Variants in SCAP observed in about 807,000 individuals in gnomAD.
SCAP encodes the protein sterol regulatory element-binding protein cleavage-activating protein.
In SCAP, 65 loss-of-function variants were observed where a neutral mutation model predicts 123.6. That is an observed-to-expected ratio of 0.53 (90% CI 0.43 to 0.65). SCAP has a LOEUF of 0.65. Among genes scored for constraint, SCAP ranks in the 30% least tolerant of loss-of-function variants. SCAP has a pLI of 0.00. For synonymous variants in SCAP, 740 were observed against 726.3 expected (o/e 1.02, Z -0.30); for missense variants, 1,398 against 1,712.5 (o/e 0.82, Z 3.24).
chr3:47,424,829 C>T (rs892441669), intron 8 of SCAP, among the ~76,000 whole-genome samples: 2 of 152,156 alleles, frequency 1.3e-5, no homozygotes, highest in African/African-American at 4.8e-5. Flanking sequence ...CAGGCCAATC[C>T]ATAATCCATT....
chr3:47,426,178 G>A lies in SCAP; in HGVS notation c.738-9C>T. The A allele has an allele frequency of 8.1e-6, 13 of 1,611,608 alleles. No homozygotes were observed. The highest frequency in any genetic ancestry group is 1.1e-5 in the Non-Finnish European group (13 of 1,179,328). On this transcript the variant is annotated splice_polypyrimidine_tract_variant and intron_variant, in intron 6 of 22. Transcript: ENST00000265565. ...GCAGGCTGCCCAGGAACCTGGTCAA[G>A]GAGCAGGGTGGGGGTAAATGGAAGT...
At chr3:47,465,962 G>A (rs1707810537) in intron 1 of SCAP, among the ~76,000 whole-genome samples, 1 of 151,572 alleles carries the variant, frequency 6.6e-6, no homozygotes, top group Admixed American at 6.6e-5. Context: ...GTGAAACCCC[G>A]TCTCTACTAA....
chr3:47,433,301 A>G (rs1706440733), intron 3 of SCAP, among the ~76,000 whole-genome samples: 1 of 152,206 alleles, frequency 6.6e-6, no homozygotes. Context: ...GTGTGACACC[A>G]GGTGACTGCC....
Position 47,413,802 on chromosome 3 carries a change from T to C in SCAP, c.*52A>G, listed in dbSNP as rs1705420556. The C allele has an allele frequency of 7.6e-6, 12 of 1,574,276 alleles. No individual in the cohort carries two copies. The highest frequency in any genetic ancestry group is 2.3e-5 in the South Asian group (2 of 87,634). On this transcript the variant is annotated 3_prime_UTR_variant, in exon 23 of 23. Transcript: ENST00000265565. ...TTCCCCCAAGTCCAGGTTCAGTGCA[T>C]TGGCCCCCACACAGCACCCCAGCCT...
chr3:47,455,094 T>TAA (rs1553648801), intron 1 of SCAP, among the ~76,000 whole-genome samples: 39 of 87,396 alleles, frequency 4.5e-4, no homozygotes, highest in Non-Finnish European at 5.9e-4. Context: ...TATATATATA[T>TAA]AATCAACTGA....
chr3:47,430,474 T>C (rs1049459909), intron 3 of SCAP, among the ~76,000 whole-genome samples: 2 of 151,424 alleles, frequency 1.3e-5, no homozygotes, highest in Admixed American at 6.6e-5. Context: ...AAAGAACAGG[T>C]AGGAGAGGAG....
At chr3:47,448,251 A>G (rs1226555527) in intron 1 of SCAP, among the ~76,000 whole-genome samples, 4 of 152,022 alleles carry the variant, frequency 2.6e-5, no homozygotes, top group Admixed American at 2.0e-4. Context: ...TATGTTTTCA[A>G]TTTTGATTTT....
chr3:47,419,493 G>A lies in SCAP; in HGVS notation c.1775C>T (p.Thr592Met), dbSNP rs1705794629. 3.7e-6 allele frequency: 6 copies of A among 1,614,014 alleles called. No homozygotes were observed. Among genetic ancestry groups the A allele is most frequent in the Non-Finnish European group, 4.2e-6 (5 of 1,180,002 alleles). ...ACGCTCAGGTGACTCGCCTGGCGAC[G>A]TCTGGTTCTCAGGTAGCTTAGGGGC... ...PDAPKLPENQ[T>M]SPGESPERGG... The change falls in exon 13 of 23, where the codon ACG (threonine) becomes ATG (methionine). Residue 592 changes from threonine to methionine, a missense_variant. Thr to Met is a moderately conservative substitution (Grantham distance 81). Transcript: ENST00000265565. The surrounding 1 kb of genome is among the most constrained non-coding windows in gnomAD (Gnocchi z 5.0).
chr3:47,415,793 A>G (rs1260736298), intron 18 of SCAP, among the ~76,000 whole-genome samples: 2 of 152,340 alleles, frequency 1.3e-5, no homozygotes, highest in East Asian at 3.9e-4. Flanking sequence ...ATGTCTGCCT[A>G]CAACCTCTGC....
intron 2 of SCAP, among the ~76,000 whole-genome samples, chr3:47,440,030 GCTCTGTACTTTC>G (rs1387359510): frequency 2.6e-5 from 4 of 152,178 alleles, no homozygotes; most frequent in South Asian, 4.2e-4. Context: ...CCCCAGTACT[GCTCTGTACTTTC>G]CCTGGGGTGA....
intron 7 of SCAP, 124 bp downstream of exon 7, chr3:47,425,873 C>T (rs1576265450): frequency 8.7e-7 from 1 of 1,145,190 alleles, no homozygotes; most frequent in Admixed American, 2.3e-5. Context: ...AGCCCTAGCT[C>T]TGATGACCAC....
In SCAP at chr3:47,418,297, C is replaced by T. The variant is rs1705726294; in HGVS notation, c.2331+24G>A. 4 of 1,553,590 alleles carry T rather than the reference C, an allele frequency of 2.6e-6. No individual in the cohort carries two copies. The South Asian group carries it at 3.6e-5, about 14-fold the overall frequency. The stretch of plus-strand genomic sequence containing the variant: ...TGGGCCAGGCTCCGGCCCTCCCCTA[C>T]CCGGCCACTGTGCCCCTGCTCACCA... On this transcript the variant is annotated intron_variant, in intron 15 of 22. Coordinates refer to ENST00000265565, the MANE Select transcript of SCAP (RefSeq NM_012235.4).
chr3:47,427,640 C>G lies in SCAP; in HGVS notation c.438G>C (p.Leu146Phe). 6.2e-7 allele frequency: 1 copy of G among 1,614,098 alleles called. No individual in the cohort carries two copies. The change falls in exon 5 of 23, where the codon TTG (leucine) becomes TTC (phenylalanine). Residue 146 changes from leucine to phenylalanine, a missense_variant. Physicochemically the swap from Leu to Phe is conservative, Grantham distance 22. Coordinates refer to ENST00000265565, the MANE Select transcript of SCAP (RefSeq NM_012235.4). ...DSSGIRSLEELCLQVTDLLPG... is the reference protein window; with the variant it reads ...DSSGIRSLEEFCLQVTDLLPG... ...GCAGCAGGTCGGTCACTTGCAGACA[C>G]AACTCCTCCAAGCTCCTGATCCCAG...
Position 47,442,901 on chromosome 3 carries a change from G to C in SCAP, c.93C>G (p.Leu31=), listed in dbSNP as rs759636321. ...AGGCTAAGATGCAGAACCCTGTGAAGAGGATGATGGGGATGGGATAGGATG... is the reference window on the plus strand; with the variant it reads ...AGGCTAAGATGCAGAACCCTGTGAACAGGATGATGGGGATGGGATAGGATG... ...LCASYPIPII[L]FTGFCILACC... is the part of the protein sequence containing the mutation. The change falls in exon 2 of 23, where the codon CTC becomes CTG. Residue 31 remains leucine (L), a synonymous_variant. Coordinates refer to ENST00000265565, the MANE Select transcript of SCAP (RefSeq NM_012235.4). 2 of 1,614,100 alleles carry C rather than the reference G, an allele frequency of 1.2e-6. No individual in the cohort carries two copies. Among genetic ancestry groups the C allele is most frequent in the African/African-American group, 2.7e-5 (2 of 74,942 alleles).
intron 1 of SCAP, among the ~76,000 whole-genome samples, chr3:47,468,726 A>C (rs929557898): frequency 2.0e-5 from 3 of 152,164 alleles, no homozygotes; most frequent in African/African-American, 7.2e-5. Flanking sequence ...TAGTTTAATT[A>C]GATCCCATTT....
chr3:47,453,183 C>T (rs1707287993), intron 1 of SCAP, among the ~76,000 whole-genome samples: 1 of 152,162 alleles, frequency 6.6e-6, no homozygotes, highest in African/African-American at 2.4e-5. Flanking sequence ...ATTTTGCTAC[C>T]TGCATTTGCA....
chr3:47,460,270 A>G (rs1305105763), intron 1 of SCAP, among the ~76,000 whole-genome samples: 1 of 152,272 alleles, frequency 6.6e-6, no homozygotes, highest in Admixed American at 6.5e-5. Flanking sequence ...CGAAGATAAC[A>G]GGATTAAGAG....
rs1309952849 is a variant in SCAP, at chr3:47,428,570, G to A, written c.353C>T (p.Pro118Leu). 9 of 1,614,146 alleles carry A rather than the reference G, an allele frequency of 5.6e-6. No individual in the cohort carries two copies. The highest frequency in any genetic ancestry group is 7.6e-6 in the Non-Finnish European group (9 of 1,180,016). ...CACCAGTTGGAATGCCCGGGACAAA[G>A]GTGAACGAAATACATCTACTGCCAG... ...NLLAVDVFRSPLSRAFQLVEE... is the reference protein window; with the variant it reads ...NLLAVDVFRSLLSRAFQLVEE... Residue 118 changes from proline to leucine, a missense_variant, in exon 4 of 23, where the codon CCT becomes CTT. Coordinates refer to ENST00000265565, the MANE Select transcript of SCAP (RefSeq NM_012235.4).
chr3:47,414,817 C>G lies in SCAP; in HGVS notation c.3306+10G>C. ...CCACTCCAGCACCCAAGAGACAAGACAATACTCACTCTCAGTGTGTGGTCT... is the reference window on the plus strand; with the variant it reads ...CCACTCCAGCACCCAAGAGACAAGAGAATACTCACTCTCAGTGTGTGGTCT... On this transcript the variant is annotated intron_variant, in intron 20 of 22. Transcript: ENST00000265565. The G allele has an allele frequency of 6.2e-7, 1 of 1,602,622 alleles. No homozygotes were observed.
Sources: gnomAD v4.1 joint callset for allele counts (sites outside exome capture counted in the v4.1 genomes callset) on GRCh38, gnomAD v4.1.1 for gene constraint, Gnocchi (gnomAD v3.1) non-coding constraint, MANE v1.5 for transcripts, NCBI Gene and HGNC (gene_info 2026-07-23, HGNC 2026-07-21) for gene names.